The following ANKS1B variants were observed in gnomAD, a reference collection of about 807,000 sequenced individuals.
ANKS1B encodes the protein ankyrin repeat and sterile alpha motif domain containing 1B.
A neutral mutation model predicts 148.3 loss-of-function variants in ANKS1B; 36 were observed. The ratio of observed to expected loss-of-function variants is 0.24; its 90% CI spans 0.19 to 0.32. ANKS1B has a LOEUF of 0.32. Among genes scored for constraint, ANKS1B ranks in the 10% least tolerant of loss-of-function variants. The probability of loss-of-function intolerance (pLI) is 1.00; values close to 1 mark genes in which losing one functional copy is unlikely to be tolerated. For missense variants in ANKS1B, 1,157 were observed against 1,542.6 expected (o/e 0.75, Z 4.19); for synonymous variants, 542 against 560.8 (o/e 0.97, Z 0.47).
rs73381187 is a variant in ANKS1B at position 99,294,462 on chromosome 12, G to A, written c.1757-47598C>T. Among the ~76,000 whole-genome samples, 818 of 152,230 alleles carry A rather than the reference G, an allele frequency of 5.4e-3. 7 individuals carry two copies. The highest frequency in any genetic ancestry group is 0.019 in the African/African-American group (787 of 41,536). On this transcript the variant is annotated intron_variant, in intron 12 of 26. Coordinates refer to ENST00000683438, the MANE Select transcript of ANKS1B (RefSeq NM_001352186.2). ...TTCACATGTTCTCACTTATTTGTGGGAGCTAAAATTTAGAACAATTGAATC... is the reference window on the plus strand; with the variant it reads ...TTCACATGTTCTCACTTATTTGTGGAAGCTAAAATTTAGAACAATTGAATC...
At chr12:99,204,663 T>G (rs1051874409) in intron 14 of ANKS1B, among the ~76,000 whole-genome samples, 3 of 152,226 alleles carry the variant, frequency 2.0e-5, no homozygotes, top group Non-Finnish European at 4.4e-5. Flanking sequence ...GTGGGCTGCA[T>G]GTCTGTTTTG....
intron 10 of ANKS1B, among the ~76,000 whole-genome samples, chr12:99,468,197 C>A (rs2096166803): frequency 6.6e-6 from 1 of 152,030 alleles, no homozygotes; most frequent in Non-Finnish European, 1.5e-5. Flanking sequence ...GAAAGGATTC[C>A]CTATTTAATA....
At position 98,744,218 on chromosome 12, in the gene ANKS1B, C is replaced by T; in HGVS notation, c.*1521G>A. 3 of 963,142 alleles carry T rather than the reference C, an allele frequency of 3.1e-6. No individual in the cohort carries two copies. Among genetic ancestry groups the T allele is most frequent in the Non-Finnish European group, 3.7e-6 (3 of 809,350 alleles). The allele number at this position is 963,142 out of a possible 1,614,324, so 59.7% of individuals were successfully genotyped here. On this transcript the variant is annotated 3_prime_UTR_variant, in exon 27 of 27. Coordinates refer to ENST00000683438, the MANE Select transcript of ANKS1B (RefSeq NM_001352186.2). Reference sequence around the variant, plus strand: ...GGCAAAATATATACAAGGAACTGTTCAGTTCAAGTAATTTAATATTGTATT... The same window carrying T: ...GGCAAAATATATACAAGGAACTGTTTAGTTCAAGTAATTTAATATTGTATT...
intron 9 of ANKS1B, among the ~76,000 whole-genome samples, chr12:99,602,579 C>T (rs970986105): frequency 6.6e-6 from 1 of 151,996 alleles, no homozygotes; most frequent in African/African-American, 2.4e-5. Flanking sequence ...CTTTTTCTTG[C>T]TTTTAGTTTT....
intron 4 of ANKS1B, among the ~76,000 whole-genome samples, chr12:99,788,599 G>T (rs1025910553): frequency 2.0e-5 from 3 of 152,064 alleles, no homozygotes; most frequent in Non-Finnish European, 4.4e-5. Flanking sequence ...AAAAGTAAAG[G>T]GGCCTTTGCC....
At chr12:98,778,004 C>G (rs149978270) in intron 24 of ANKS1B, among the ~76,000 whole-genome samples, 2 of 152,160 alleles carry the variant, frequency 1.3e-5, no homozygotes, top group Admixed American at 6.5e-5. Flanking sequence ...AAGTTTTAGT[C>G]GTTCTTCACG....
intron 12 of ANKS1B, among the ~76,000 whole-genome samples, chr12:99,370,091 T>C: frequency 6.6e-6 from 1 of 152,066 alleles, no homozygotes; most frequent in East Asian, 1.9e-4. Flanking sequence ...GGGGCATGAT[T>C]GTTATTCTTA....
chr12:99,885,170 G>C (rs1302477741), intron 1 of ANKS1B, among the ~76,000 whole-genome samples: 1 of 151,700 alleles, frequency 6.6e-6, no homozygotes, highest in Admixed American at 6.6e-5. Context: ...ACTTTGCTTG[G>C]CTAAATGCTA....
intron 15 of ANKS1B, among the ~76,000 whole-genome samples, chr12:99,101,148 T>C (rs1400741360): frequency 6.6e-6 from 1 of 152,166 alleles, no homozygotes; most frequent in African/African-American, 2.4e-5. Flanking sequence ...GCCAGCCTTG[T>C]AAGCGATGAT....
rs2153365743 is a variant in ANKS1B at position 98,745,799 on chromosome 12, C to T, written c.3798G>A (p.Val1266=). The change falls in exon 27 of 27, where the codon GTG becomes GTA. Residue 1266 remains valine (V), a synonymous_variant. Transcript: ENST00000683438. The stretch of plus-strand genomic sequence containing the variant: ...CCCTCTTGGCTTCTTGGCCCGGCTC[C>T]ACAATCCACGGTAGATTGGCCAGAG... ...QKTLANLPWI[V]EPGQEAKRGI... The T allele has an allele frequency of 1.2e-6, 2 of 1,613,762 alleles. No individual in the cohort carries two copies. The highest frequency in any genetic ancestry group is 1.7e-6 in the Non-Finnish European group (2 of 1,179,778).
intron 9 of ANKS1B, among the ~76,000 whole-genome samples, chr12:99,578,139 T>C (rs2097536025): frequency 2.0e-5 from 3 of 152,078 alleles, no homozygotes; most frequent in African/African-American, 2.4e-5. Flanking sequence ...TCAATAGACA[T>C]GGAAAAAGTC....
chr12:98,871,390 A>G (rs2099668162), intron 17 of ANKS1B, among the ~76,000 whole-genome samples: 1 of 152,196 alleles, frequency 6.6e-6, no homozygotes, highest in South Asian at 2.1e-4. Flanking sequence ...AAAGTACATA[A>G]GAGTACAAAA....
intron 19 of ANKS1B, among the ~76,000 whole-genome samples, chr12:98,816,012 A>G (rs764754155): frequency 2.0e-5 from 3 of 151,752 alleles, no homozygotes; most frequent in African/African-American, 7.3e-5. Flanking sequence ...TGGTACCCAC[A>G]CTGCTCTACC....
chr12:99,245,207 T>C (rs2090055513), intron 13 of ANKS1B, among the ~76,000 whole-genome samples: 1 of 152,100 alleles, frequency 6.6e-6, no homozygotes, highest in Non-Finnish European at 1.5e-5. Flanking sequence ...ATTACTGACA[T>C]CCAATCACCA....
intron 19 of ANKS1B, among the ~76,000 whole-genome samples, chr12:98,809,569 G>A (rs1242181584): frequency 6.6e-6 from 1 of 152,160 alleles, no homozygotes. Flanking sequence ...GGCTTGCTCA[G>A]GTCACACAGG....
intron 16 of ANKS1B, among the ~76,000 whole-genome samples, chr12:99,063,382 CT>C (rs1176267101): frequency 6.6e-6 from 1 of 152,206 alleles, no homozygotes; most frequent in African/African-American, 2.4e-5. Flanking sequence ...AGACAGTGTG[CT>C]GCCAAGTCCA....
intron 14 of ANKS1B, among the ~76,000 whole-genome samples, chr12:99,211,032 A>T (rs1021843268): frequency 6.6e-6 from 1 of 152,202 alleles, no homozygotes; most frequent in Non-Finnish European, 1.5e-5. Context: ...ATTATTTTGC[A>T]CCAACCTAAT....
chr12:99,543,657 C>T (rs35846770), intron 9 of ANKS1B, among the ~76,000 whole-genome samples: 33,557 of 151,990 alleles, frequency 0.22, 3,811 homozygotes, highest in Admixed American at 0.25. Context: ...ATATATTTTA[C>T]TATATGGATA....
At chr12:98,828,990 T>C (rs2099273288) in intron 19 of ANKS1B, among the ~76,000 whole-genome samples, 184 bp downstream of exon 19, 1 of 152,184 alleles carries the variant, frequency 6.6e-6, no homozygotes, top group Non-Finnish European at 1.5e-5. Context: ...TGTGTACACA[T>C]TCCATTCCCA....
Sources: allele counts gnomAD v4.1 joint callset (sites outside exome capture counted in the v4.1 genomes callset), GRCh38; gene constraint gnomAD v4.1.1; transcripts MANE v1.5; gene names NCBI Gene and HGNC (gene_info 2026-07-23, HGNC 2026-07-21).